Variants in GALNT11 observed in about 807,000 individuals in gnomAD.
GALNT11 encodes UDP-GalNAc:polypeptide N-acetylgalactosaminyltransferase 11.
A neutral mutation model predicts 72.7 loss-of-function variants in GALNT11; 47 were observed. The ratio of observed to expected loss-of-function variants is 0.65; its 90% CI spans 0.51 to 0.82. The LOEUF (loss-of-function observed/expected upper bound fraction) is 0.82, where lower values mean the gene tolerates loss of function less well. Ranked by LOEUF, GALNT11 falls within the 40% of genes least tolerant of loss-of-function variation. GALNT11 has a pLI of 0.00. For synonymous variants in GALNT11, 270 were observed against 286.6 expected, an observed-to-expected ratio of 0.94 and a Z score of 0.58; for missense variants, 677 against 778.4, an observed-to-expected ratio of 0.87 and a Z score of 1.55.
intron 1 of GALNT11, among the ~76,000 whole-genome samples, chr7:152,043,111 G>A (rs2152011994): frequency 6.6e-6 from 1 of 152,100 alleles, no homozygotes; most frequent in South Asian, 2.1e-4. Context: ...TTCCACATAC[G>A]GCACAATTAG....
intron 1 of GALNT11, among the ~76,000 whole-genome samples, chr7:152,091,482 C>T (rs1017049215): frequency 6.6e-6 from 1 of 151,912 alleles, no homozygotes; most frequent in African/African-American, 2.4e-5. Context: ...CTTTGTGATC[C>T]GCCCACCTCG....
chr7:152,108,371 C>T, intron 6 of GALNT11, 84 bp downstream of exon 6: 2 of 1,512,476 alleles, frequency 1.3e-6, no homozygotes, highest in Non-Finnish European at 1.8e-6. Context: ...ATTCCTCCTT[C>T]TTTGTAAGGA....
chr7:152,120,885 G>A lies in GALNT11; in HGVS notation c.1612G>A (p.Asp538Asn). ...GGTTTTAAATAGTCTCCTTTGTCTAGATATGTCAGAGACTCGCTCATCAGA... is the reference window on the plus strand; with the variant it reads ...GGTTTTAAATAGTCTCCTTTGTCTAAATATGTCAGAGACTCGCTCATCAGA... Reference protein sequence around the residue: ...ELVLNSLLCLDMSETRSSDPP... With the variant: ...ELVLNSLLCLNMSETRSSDPP... The change falls in exon 11 of 12, where the codon GAT (aspartate) becomes AAT (asparagine). Residue 538 changes from aspartate to asparagine, a missense_variant. Physicochemically the swap from Asp to Asn is conservative, Grantham distance 23 (BLOSUM62 1). Transcript: ENST00000430044. 6.2e-7 allele frequency: 1 copy of A among 1,613,392 alleles called. No homozygotes were observed. The highest frequency in any genetic ancestry group is 8.5e-7 in the Non-Finnish European group (1 of 1,179,434).
At chr7:152,105,060 C>G (rs1361114252) in intron 4 of GALNT11, among the ~76,000 whole-genome samples, 185 bp from the exon 5 acceptor site, 3 of 152,172 alleles carry the variant, frequency 2.0e-5, no homozygotes, top group Non-Finnish European at 4.4e-5. Flanking sequence ...CCAGCTCTTA[C>G]CCTTCATTTC....
intron 1 of GALNT11, among the ~76,000 whole-genome samples, chr7:152,066,947 G>A (rs1046538741): frequency 6.6e-6 from 1 of 152,134 alleles, no homozygotes; most frequent in South Asian, 2.1e-4. Flanking sequence ...GAAACACGAA[G>A]TAAACAAATA....
At chr7:152,039,288 T>G (rs541066575) in intron 1 of GALNT11, among the ~76,000 whole-genome samples, 6 of 152,372 alleles carry the variant, frequency 3.9e-5, no homozygotes, top group Non-Finnish European at 7.3e-5. Context: ...GGTTCAATTT[T>G]ATTTATAAAT....
chr7:152,037,904 G>A (rs905633685), intron 1 of GALNT11, among the ~76,000 whole-genome samples: 1 of 152,034 alleles, frequency 6.6e-6, no homozygotes. Flanking sequence ...GAGGAGCTGG[G>A]ATTACAGTTG....
chr7:152,084,802 G>A (rs2085541553), intron 1 of GALNT11, among the ~76,000 whole-genome samples: 1 of 152,070 alleles, frequency 6.6e-6, no homozygotes, highest in South Asian at 2.1e-4. Context: ...AAATATATGG[G>A]GCTGAAAAGA....
Position 152,094,087 on chromosome 7 carries a change from C to A in GALNT11, c.-38-103C>A. 2.3e-6 allele frequency: 2 copies of A among 887,798 alleles called. No individual in the cohort carries two copies. Among genetic ancestry groups the A allele is most frequent in the Admixed American group, 2.4e-5 (1 of 41,148 alleles). The allele number at this position is 887,798 out of a possible 1,614,324, so 55.0% of individuals were successfully genotyped here. The stretch of plus-strand genomic sequence containing the variant: ...TGTATTTGAATATCCGTTAACTGTA[C>A]GCATAGTGGTCCTACTTGGTGGTTT... On this transcript the variant is annotated intron_variant, in intron 1 of 11. Transcript: ENST00000430044. The surrounding 1 kb of genome is among the most constrained non-coding windows in gnomAD (Gnocchi z 4.3).
At chr7:152,051,983 A>G (rs2083428780) in intron 1 of GALNT11, among the ~76,000 whole-genome samples, 2 of 152,182 alleles carry the variant, frequency 1.3e-5, no homozygotes, top group Non-Finnish European at 2.9e-5. Flanking sequence ...TGTCACTATC[A>G]CCAAAACTTT....
chr7:152,074,124 T>C (rs1033088249), intron 1 of GALNT11, among the ~76,000 whole-genome samples: 2 of 152,238 alleles, frequency 1.3e-5, no homozygotes, highest in African/African-American at 4.8e-5. Flanking sequence ...TTTCCTTTGC[T>C]GTATAGAAGT....
At chr7:152,110,738 ATT>A in intron 7 of GALNT11, 93 bp downstream of exon 7, 1 of 1,016,502 alleles carries the variant, frequency 9.8e-7, no homozygotes, top group Non-Finnish European at 1.5e-6. Context: ...CTCCTTGATT[ATT>A]TTTTTTTCGA....
In GALNT11 at chr7:152,108,266, AG is replaced by A; in HGVS notation, c.944del (p.Gly315GlufsTer6). ...CCCCTTTCTGAGCTAGGACGAGCGG[AG>A]GGAGCCACTGCACCAATAAAGTAAG... ...LVPLSELGRA[E>X]GATAPIKSPT... On this transcript the variant is annotated frameshift_variant, in exon 6 of 12. Transcript: ENST00000430044. LOFTEE classifies it high-confidence loss of function. 6.2e-7 allele frequency: 1 copy of A among 1,612,364 alleles called. No individual in the cohort carries two copies. Among genetic ancestry groups the A allele is most frequent in the Non-Finnish European group, 8.5e-7 (1 of 1,178,468 alleles).
At chr7:152,101,630 A>G (rs374237252) in intron 3 of GALNT11, among the ~76,000 whole-genome samples, 57 of 107,332 alleles carry the variant, frequency 5.3e-4, no homozygotes, top group African/African-American at 2.0e-3. Flanking sequence ...CTCTAAGTTC[A>G]TGGCTTTTTT....
In GALNT11 at chr7:152,121,713, C is replaced by T. The variant is rs1272133071; in HGVS notation, c.*36C>T. The T allele has an allele frequency of 1.9e-6, 3 of 1,600,258 alleles. No individual in the cohort carries two copies. Among genetic ancestry groups the T allele is most frequent in the Admixed American group, 3.4e-5 (2 of 58,964 alleles). ...GTGGTGGGAACGTTGCTTCATCAGG[C>T]GTTGCCTCCGGTGTGGAGTTTGGGG... On this transcript the variant is annotated 3_prime_UTR_variant, in exon 12 of 12. Coordinates refer to ENST00000430044, the MANE Select transcript of GALNT11 (RefSeq NM_022087.4).
At chr7:152,062,979 T>C (rs1304225180) in intron 1 of GALNT11, among the ~76,000 whole-genome samples, 1 of 152,224 alleles carries the variant, frequency 6.6e-6, no homozygotes, top group African/African-American at 2.4e-5. Context: ...GCTGGCTTCA[T>C]AAAATGAGTT....
intron 1 of GALNT11, among the ~76,000 whole-genome samples, chr7:152,073,964 C>A (rs1359919780): frequency 6.6e-6 from 1 of 150,566 alleles, no homozygotes; most frequent in Non-Finnish European, 1.5e-5. Flanking sequence ...GATGGCTATT[C>A]AGATCATTTG....
At chr7:152,110,833 C>T (rs147253458) in intron 7 of GALNT11, among the ~76,000 whole-genome samples, 188 bp downstream of exon 7, 66 of 151,402 alleles carry the variant, frequency 4.4e-4, no homozygotes, top group African/African-American at 1.6e-3. Flanking sequence ...TGAGCTCAAG[C>T]GATCCTCTTG....
intron 1 of GALNT11, among the ~76,000 whole-genome samples, chr7:152,043,513 G>A (rs2082969980): frequency 6.6e-6 from 1 of 152,196 alleles, no homozygotes; most frequent in Non-Finnish European, 1.5e-5. Context: ...AGGCTCAAAT[G>A]TAGCTATAAT....
Sources: gnomAD v4.1 joint callset for allele counts (sites outside exome capture counted in the v4.1 genomes callset) on GRCh38, gnomAD v4.1.1 for gene constraint, Gnocchi (gnomAD v3.1) non-coding constraint, MANE v1.5 for transcripts, NCBI Gene and HGNC (gene_info 2026-07-23, HGNC 2026-07-21) for gene names.